Variants in NUDCD3 observed in about 807,000 individuals in gnomAD.
The protein encoded by NUDCD3 is nudC domain-containing protein 3.
Under a neutral mutation model 39.7 loss-of-function variants are expected in NUDCD3, and 13 were observed. The ratio of observed to expected loss-of-function variants is 0.33; its 90% CI spans 0.21 to 0.52. The LOEUF is 0.52. Among genes scored for constraint, NUDCD3 ranks in the 20% least tolerant of loss-of-function variants. The pLI is 0.96. For missense variants in NUDCD3, 453 were observed against 458.1 expected (o/e 0.99, Z 0.10); for synonymous variants, 175 against 172.4 (o/e 1.02, Z -0.12).
intron 2 of NUDCD3, among the ~76,000 whole-genome samples, chr7:44,463,427 A>G (rs1030538402): frequency 6.6e-6 from 1 of 152,206 alleles, no homozygotes; most frequent in African/African-American, 2.4e-5. Context: ...CAATGTCTAG[A>G]GACCAACTTT....
chr7:44,479,724 A>T (rs1188849575), intron 2 of NUDCD3, among the ~76,000 whole-genome samples: 1 of 152,198 alleles, frequency 6.6e-6, no homozygotes, highest in Non-Finnish European at 1.5e-5. Context: ...CTCACAAAAG[A>T]TGGTGCTTCT....
At chr7:44,458,559 G>A (rs923008419) in intron 2 of NUDCD3, among the ~76,000 whole-genome samples, 1 of 151,996 alleles carries the variant, frequency 6.6e-6, no homozygotes, top group South Asian at 2.1e-4. Context: ...TTGGGAGGCT[G>A]AGGCAGGAGA....
At chr7:44,391,548 TAAG>T (rs1798515688) in intron 5 of NUDCD3, among the ~76,000 whole-genome samples, 2 of 151,878 alleles carry the variant, frequency 1.3e-5, no homozygotes, top group African/African-American at 4.8e-5. Flanking sequence ...AGAACAAAAA[TAAG>T]GAGACTGTGC....
chr7:44,481,779 G>A (rs912549400), intron 2 of NUDCD3, among the ~76,000 whole-genome samples: 7 of 152,154 alleles, frequency 4.6e-5, no homozygotes, highest in South Asian at 4.1e-4. Flanking sequence ...AAATTCCTAC[G>A]GTAAATCTTA....
intron 3 of NUDCD3, among the ~76,000 whole-genome samples, chr7:44,415,992 T>C (rs998474025): frequency 6.6e-6 from 1 of 152,022 alleles, no homozygotes; most frequent in Non-Finnish European, 1.5e-5. Context: ...ATCCAAGAGA[T>C]ACAAAATAAA....
At chr7:44,408,782 A>C (rs1038863550) in intron 3 of NUDCD3, among the ~76,000 whole-genome samples, 1 of 152,014 alleles carries the variant, frequency 6.6e-6, no homozygotes, top group South Asian at 2.1e-4. Flanking sequence ...ACCCATCCCC[A>C]CTCTCCAGGC....
At chr7:44,412,939 A>G (rs1798957246) in intron 3 of NUDCD3, among the ~76,000 whole-genome samples, 1 of 146,044 alleles carries the variant, frequency 6.8e-6, no homozygotes, top group African/African-American at 2.6e-5. Flanking sequence ...AAAAAAAAAA[A>G]AAAGAAAAAA....
At chr7:44,465,625 T>G (rs1411453569) in intron 2 of NUDCD3, among the ~76,000 whole-genome samples, 1 of 152,168 alleles carries the variant, frequency 6.6e-6, no homozygotes, top group Non-Finnish European at 1.5e-5. Context: ...TAGATAAGTA[T>G]GCTTGTATTT....
chr7:44,440,496 G>GAAAAAAAAAAAAAAAAAAAA (rs72065068), intron 2 of NUDCD3, among the ~76,000 whole-genome samples: 5 of 48,386 alleles, frequency 1.0e-4, no homozygotes, highest in Non-Finnish European at 2.0e-4. Context: ...CAGAAAAATT[G>GAAAAAAAAAAAAAAAAAAAA]AAAAAAAAAA....
intron 2 of NUDCD3, among the ~76,000 whole-genome samples, chr7:44,465,088 C>T (rs995952977): frequency 2.0e-5 from 3 of 152,226 alleles, no homozygotes; most frequent in Admixed American, 1.3e-4. Context: ...CTTTGCTCTC[C>T]GCCCTGTGCC....
intron 2 of NUDCD3, among the ~76,000 whole-genome samples, chr7:44,451,929 T>C (rs1481671590): frequency 6.6e-6 from 1 of 152,032 alleles, no homozygotes; most frequent in Non-Finnish European, 1.5e-5. Context: ...AATGATCTCA[T>C]GAATAAAATC....
At chr7:44,428,725 TAAAA>T (rs1283019688) in intron 2 of NUDCD3, among the ~76,000 whole-genome samples, 1 of 152,306 alleles carries the variant, frequency 6.6e-6, no homozygotes, top group African/African-American at 2.4e-5. Context: ...ATATTTTCCA[TAAAA>T]TGTAACAATG....
rs1798309007 is a variant in NUDCD3, at chr7:44,381,792, A to G, written c.*4219T>C. On this transcript the variant is annotated 3_prime_UTR_variant, in exon 6 of 6. Coordinates refer to ENST00000355451, the MANE Select transcript of NUDCD3 (RefSeq NM_015332.4). ...TGCCTGAGGGTGGCCACATTCCCAC[A>G]CCCCATGTGTGCCTATCTCCATCAG... 3 of 152,202 alleles carry G rather than the reference A, an allele frequency of 2.0e-5. No homozygotes were observed. The allele number at this position is 152,202 out of a possible 1,614,324, so 9.4% of individuals were successfully genotyped here.
chr7:44,404,676 A>T (rs1217874621), intron 3 of NUDCD3, 93 bp from the exon 4 acceptor site: 1 of 1,363,670 alleles, frequency 7.3e-7, no homozygotes, highest in African/African-American at 1.4e-5. Flanking sequence ...AAGGTACCTG[A>T]CTGCACACTA....
At chr7:44,418,257 G>A (rs1035714467) in intron 3 of NUDCD3, among the ~76,000 whole-genome samples, 1 of 152,170 alleles carries the variant, frequency 6.6e-6, no homozygotes, top group African/African-American at 2.4e-5. Flanking sequence ...TCACCATGTG[G>A]GATGCAAGGT....
intron 4 of NUDCD3, chr7:44,402,630 G>A (rs771126247): frequency 8.3e-5 from 38 of 456,488 alleles, no homozygotes; most frequent in Admixed American, 1.6e-4. Flanking sequence ...GACCACACAC[G>A]GGGTTGCTCA....
In NUDCD3 at chr7:44,454,077, C is replaced by A. The variant is rs1423269990; in HGVS notation, c.510-26374G>T. Among the ~76,000 whole-genome samples, 4 of 152,300 alleles carry A rather than the reference C, an allele frequency of 2.6e-5. No homozygotes were observed. The South Asian group carries it at 8.3e-4, about 32-fold the overall frequency. On this transcript the variant is annotated intron_variant, in intron 2 of 5. Transcript: ENST00000355451. The stretch of plus-strand genomic sequence containing the variant: ...AATAAAGGCCGGGCATGGTGGCTCA[C>A]GCCTGTAATCCCAGAACTTTGGGAG...
At chr7:44,444,063 GA>G (rs1348388925) in intron 2 of NUDCD3, among the ~76,000 whole-genome samples, 1 of 152,200 alleles carries the variant, frequency 6.6e-6, no homozygotes, top group African/African-American at 2.4e-5. Flanking sequence ...GCTATCATGT[GA>G]AAAGGCTAGA....
chr7:44,434,029 T>C (rs1799419703), intron 2 of NUDCD3, among the ~76,000 whole-genome samples: 1 of 152,162 alleles, frequency 6.6e-6, no homozygotes, highest in South Asian at 2.1e-4. Flanking sequence ...GGTTTCTTCA[T>C]TTTCAAAGCT....
Sources: gnomAD v4.1 joint callset for allele counts (sites outside exome capture counted in the v4.1 genomes callset) on GRCh38, gnomAD v4.1.1 for gene constraint, MANE v1.5 for transcripts, NCBI Gene and HGNC (gene_info 2026-07-23, HGNC 2026-07-21) for gene names.